The following MOB1B variants were observed in gnomAD, a reference collection of about 807,000 sequenced individuals.
The protein encoded by MOB1B is MOB kinase activator 1B.
Under a neutral mutation model 24.4 loss-of-function variants are expected in MOB1B, and 19 were observed. That is an observed-to-expected ratio of 0.78 (90% confidence interval 0.54 to 1.14). MOB1B has a LOEUF of 1.14. MOB1B is among the 50% of genes most tolerant of loss of function. The pLI, the probability that MOB1B is intolerant of heterozygous loss-of-function variation, is 0.00. For missense variants in MOB1B, 243 were observed against 259.6 expected (o/e 0.94, Z 0.44); for synonymous variants, 76 against 82.1 (o/e 0.93, Z 0.40).
intron 1 of MOB1B, among the ~76,000 whole-genome samples, chr4:70,903,711 A>G (rs141516050): frequency 1.2e-4 from 18 of 151,784 alleles, no homozygotes; most frequent in African/African-American, 3.9e-4. Flanking sequence ...AATTTAATTC[A>G]CTCTTATTTT....
chr4:70,966,972 C>G (rs1030808296), intron 2 of MOB1B, among the ~76,000 whole-genome samples: 2 of 152,020 alleles, frequency 1.3e-5, no homozygotes, highest in African/African-American at 4.8e-5. Flanking sequence ...TGCTAAAATT[C>G]AAAATCCATA....
intron 4 of MOB1B, chr4:70,976,116 G>A (rs1738983226): frequency 8.4e-6 from 5 of 595,310 alleles, no homozygotes; most frequent in South Asian, 1.5e-4. Flanking sequence ...TGGCCAGGCT[G>A]GTCTCGAACT....
Position 70,986,256 on chromosome 4 carries a change from G to A in MOB1B, c.*4199G>A, listed in dbSNP as rs1186938962. ...ATAGAAGTAGTTTAAGGAGACAACA[G>A]CCTTTACTGCCATTTTTTTTTAAAT... On this transcript the variant is annotated 3_prime_UTR_variant, in exon 6 of 6. Transcript: ENST00000309395. 6.6e-6 allele frequency: 1 copy of A among 152,050 alleles called. No homozygotes were observed. The highest frequency in any genetic ancestry group is 2.4e-5 in the African/African-American group (1 of 41,418). 9.4% of individuals were successfully genotyped at this position (152,050 alleles called of 1,614,324 possible).
chr4:70,969,949 A>C lies in MOB1B; in HGVS notation c.200A>C (p.Gln67Pro). 6.2e-7 allele frequency: 1 copy of C among 1,601,114 alleles called. No homozygotes were observed. The highest frequency in any genetic ancestry group is 8.5e-7 in the Non-Finnish European group (1 of 1,171,932). The stretch of plus-strand genomic sequence containing the variant: ...TTTACAGCTGTGGATTTCTTCAATC[A>C]GATCAACATGCTTTATGGAACTATC... ...VAVNTVDFFNQINMLYGTITD... is the reference protein window; with the variant it reads ...VAVNTVDFFNPINMLYGTITD... Residue 67 changes from glutamine to proline, a missense_variant, in exon 3 of 6, where the codon CAG (glutamine) becomes CCG (proline). Transcript: ENST00000309395.
chr4:70,967,693 G>A (rs143897276), intron 2 of MOB1B, among the ~76,000 whole-genome samples: 3 of 151,136 alleles, frequency 2.0e-5, no homozygotes, highest in Non-Finnish European at 2.9e-5. Flanking sequence ...GGAAATAGAG[G>A]CCAAAAAAAG....
intron 1 of MOB1B, among the ~76,000 whole-genome samples, chr4:70,905,169 A>G (rs1391894799): frequency 2.0e-5 from 3 of 152,118 alleles, no homozygotes; most frequent in Admixed American, 2.0e-4. Context: ...AATGATTATT[A>G]TTGGAAGTGA....
Position 70,975,166 on chromosome 4 carries a change from T to A in MOB1B, c.289T>A (p.Trp97Arg). 1.2e-6 allele frequency: 2 copies of A among 1,607,062 alleles called. No individual in the cohort carries two copies. The highest frequency in any genetic ancestry group is 1.7e-6 in the Non-Finnish European group (2 of 1,177,482). ...TCTCCAATGCAGATATGAGTATCAT[T>A]GGGCAGATGGAACGAACATAAAGAA... ...MSAGPKYEYHWADGTNIKKPI... is the reference protein window; with the variant it reads ...MSAGPKYEYHRADGTNIKKPI... The change falls in exon 4 of 6, where the codon TGG (tryptophan) becomes AGG (arginine). Residue 97 changes from tryptophan to arginine, a missense_variant. Trp to Arg is a moderately radical substitution (Grantham distance 101). Transcript: ENST00000309395.
At chr4:70,972,967 G>T (rs1046059993) in intron 3 of MOB1B, among the ~76,000 whole-genome samples, 2 of 151,870 alleles carry the variant, frequency 1.3e-5, no homozygotes, top group Non-Finnish European at 2.9e-5. Context: ...TAGAGACGGG[G>T]TTTCACTGTG....
At chr4:70,935,247 A>AC (rs1737034809) in intron 1 of MOB1B, among the ~76,000 whole-genome samples, 1 of 152,194 alleles carries the variant, frequency 6.6e-6, no homozygotes, top group African/African-American at 2.4e-5. Flanking sequence ...TGGAGATTAA[A>AC]CACCCACCAG....
In MOB1B at chr4:70,983,745, G is replaced by A. The variant is rs1739292757; in HGVS notation, c.*1688G>A. Reference sequence around the variant, plus strand: ...AATGCCATTACAATTATGTTGACTAGAAACTGCCTTTTTCTCCACTTCATT... The same window carrying A: ...AATGCCATTACAATTATGTTGACTAAAAACTGCCTTTTTCTCCACTTCATT... On this transcript the variant is annotated 3_prime_UTR_variant, in exon 6 of 6. Transcript: ENST00000309395. The A allele has an allele frequency of 6.6e-6, 1 of 152,530 alleles. No individual in the cohort carries two copies. The highest frequency in any genetic ancestry group is 1.5e-5 in the Non-Finnish European group (1 of 67,982). 9.4% of individuals were successfully genotyped at this position (152,530 alleles called of 1,614,324 possible).
intron 1 of MOB1B, chr4:70,950,910 C>G: frequency 1.4e-6 from 1 of 726,126 alleles, no homozygotes; most frequent in Admixed American, 2.1e-5. Flanking sequence ...ATTTTGTAGA[C>G]GAGGAAGCTG....
chr4:70,943,397 C>T (rs1157972940), intron 1 of MOB1B, among the ~76,000 whole-genome samples: 1 of 152,158 alleles, frequency 6.6e-6, no homozygotes, highest in Non-Finnish European at 1.5e-5. Flanking sequence ...TATCTCAACA[C>T]CTGGATCTTT....
chr4:70,919,598 A>G (rs1736341996), intron 1 of MOB1B, among the ~76,000 whole-genome samples: 1 of 152,090 alleles, frequency 6.6e-6, no homozygotes, highest in Admixed American at 6.6e-5. Context: ...TCCCGGGTTC[A>G]AGTGACTCTC....
rs1383323777 is a variant in MOB1B at position 70,984,281 on chromosome 4, A to G, written c.*2224A>G. On this transcript the variant is annotated 3_prime_UTR_variant, in exon 6 of 6. Transcript: ENST00000309395. ...TGTATATATGTGTATATATGGTAAC[A>G]AAGCATAGCAGTTCTCTAGGGGAGA... The G allele has an allele frequency of 6.6e-6, 1 of 152,188 alleles. No individual in the cohort carries two copies. The highest frequency in any genetic ancestry group is 6.5e-5 in the Admixed American group (1 of 15,276). The allele number at this position is 152,188 out of a possible 1,614,324, so 9.4% of individuals were successfully genotyped here.
At chr4:70,952,224 T>C (rs1737838317) in intron 1 of MOB1B, among the ~76,000 whole-genome samples, 1 of 151,928 alleles carries the variant, frequency 6.6e-6, no homozygotes, top group Admixed American at 6.6e-5. Context: ...TAATATAATA[T>C]ATATAAGGAA....
At chr4:70,944,828 C>T (rs529202903) in intron 1 of MOB1B, among the ~76,000 whole-genome samples, 3 of 152,112 alleles carry the variant, frequency 2.0e-5, no homozygotes, top group South Asian at 2.1e-4. Context: ...GACCAGATCT[C>T]GAGAACTCAT....
intron 1 of MOB1B, among the ~76,000 whole-genome samples, chr4:70,957,259 C>CA (rs1247828205): frequency 0.13 from 8,331 of 62,118 alleles, 507 homozygotes; most frequent in African/African-American, 0.19. Flanking sequence ...GACTATGTCT[C>CA]AAAAAAAAAA....
chr4:70,951,727 A>G (rs1737814385), intron 1 of MOB1B, among the ~76,000 whole-genome samples: 1 of 152,192 alleles, frequency 6.6e-6, no homozygotes, highest in Admixed American at 6.6e-5. Flanking sequence ...GTGAGACCTC[A>G]TCTCTAATAA....
chr4:70,946,387 T>C (rs1281150856), intron 1 of MOB1B, among the ~76,000 whole-genome samples: 1 of 152,182 alleles, frequency 6.6e-6, no homozygotes, highest in African/African-American at 2.4e-5. Context: ...CTGTGTTAGG[T>C]ATTGGGAATG....
Sources: gnomAD v4.1 joint callset for allele counts (sites outside exome capture counted in the v4.1 genomes callset) on GRCh38, gnomAD v4.1.1 for gene constraint, MANE v1.5 for transcripts, NCBI Gene and HGNC (gene_info 2026-07-23, HGNC 2026-07-21) for gene names.